SNX6: variants seen among roughly 807,000 people sequenced by gnomAD.
SNX6 encodes the protein sorting nexin-6.
SNX6 carries 34 observed loss-of-function variants against 63.0 expected under a neutral mutation model. The observed-to-expected ratio is 0.54, with a 90% CI of 0.41 to 0.72. SNX6 has a LOEUF of 0.72. SNX6 is among the 30% of genes least tolerant of loss of function. The pLI, the probability that SNX6 is intolerant of heterozygous loss-of-function variation, is 0.00. For synonymous variants in SNX6, 170 were observed against 164.2 expected, an observed-to-expected ratio of 1.04 and a Z score of -0.27; for missense variants, 398 against 471.4, an observed-to-expected ratio of 0.84 and a Z score of 1.44.
At chr14:34,614,767 T>G (rs565916477) in intron 2 of SNX6, among the ~76,000 whole-genome samples, 16 of 152,154 alleles carry the variant, frequency 1.1e-4, no homozygotes, top group Non-Finnish European at 1.9e-4. Flanking sequence ...ATAAAAAAAT[T>G]AGCTGGGCAT....
intron 5 of SNX6, chr14:34,604,007 C>A (rs1219831773): frequency 1.7e-6 from 1 of 599,820 alleles, no homozygotes; most frequent in Non-Finnish European, 2.2e-6. Flanking sequence ...TATTTTAATA[C>A]CAGCAGTGAA....
intron 13 of SNX6, among the ~76,000 whole-genome samples, chr14:34,566,632 A>G (rs749168964): frequency 6.6e-5 from 10 of 152,230 alleles, no homozygotes; most frequent in Non-Finnish European, 1.3e-4. Context: ...GACGTTATAG[A>G]TATTATTTTT....
At chr14:34,601,108 A>G (rs1366045002) in intron 6 of SNX6, among the ~76,000 whole-genome samples, 2 of 152,040 alleles carry the variant, frequency 1.3e-5, no homozygotes, top group Non-Finnish European at 2.9e-5. Context: ...TCAATAATTT[A>G]CCCGAATCTG....
chr14:34,581,012 G>A (rs1406492431), intron 10 of SNX6, among the ~76,000 whole-genome samples: 2 of 152,068 alleles, frequency 1.3e-5, no homozygotes, highest in Non-Finnish European at 2.9e-5. Context: ...GGAATTTCCT[G>A]AAAAACTCCC....
At chr14:34,570,164 G>A (rs1375499723) in intron 11 of SNX6, among the ~76,000 whole-genome samples, 1 of 151,744 alleles carries the variant, frequency 6.6e-6, no homozygotes, top group Non-Finnish European at 1.5e-5. Flanking sequence ...TGCCTCCTGG[G>A]TTCAAGCAAT....
chr14:34,567,215 G>A (rs910837024), intron 13 of SNX6, among the ~76,000 whole-genome samples: 5 of 151,816 alleles, frequency 3.3e-5, no homozygotes, highest in Non-Finnish European at 7.4e-5. Context: ...AGCCGGGTAC[G>A]GTGGCTCGTG....
chr14:34,590,171 G>A (rs1460832077), intron 8 of SNX6, among the ~76,000 whole-genome samples: 1 of 152,056 alleles, frequency 6.6e-6, no homozygotes, highest in Non-Finnish European at 1.5e-5. Flanking sequence ...GCTCATGCCT[G>A]TAATCCCAGC....
chr14:34,585,982 G>A (rs1274552482), intron 9 of SNX6, among the ~76,000 whole-genome samples: 1 of 151,994 alleles, frequency 6.6e-6, no homozygotes. Context: ...TCAGCTCACT[G>A]CAACCTCTGC....
At chr14:34,596,217 CA>C (rs1300623734) in intron 7 of SNX6, among the ~76,000 whole-genome samples, 506 of 126,942 alleles carry the variant, frequency 4.0e-3, no homozygotes, top group Middle Eastern at 9.2e-3. Context: ...ATTCTGTCTC[CA>C]AAAAAAAAAA....
chr14:34,590,159 T>C lies in SNX6; in HGVS notation c.718+2886A>G, dbSNP rs535321834. Among the ~76,000 whole-genome samples the C allele has an allele frequency of 9.9e-5, 15 of 151,974 alleles. No homozygotes were observed. The South Asian group carries it at 2.9e-3, about 29-fold the overall frequency. ...AGAATAAAGCTGGGGCCAGGAGCAG[T>C]GGCTCATGCCTGTAATCCCAGCACT... On this transcript the variant is annotated intron_variant, in intron 8 of 13. Transcript: ENST00000362031.
At chr14:34,592,944 T>C in intron 8 of SNX6, 101 bp downstream of exon 8, 1 of 826,528 alleles carries the variant, frequency 1.2e-6, no homozygotes, top group Non-Finnish European at 1.9e-6. Context: ...ACAGACCAGT[T>C]TGAGAACTAC....
chr14:34,623,794 G>A (rs1347501390), intron 2 of SNX6, among the ~76,000 whole-genome samples: 1 of 152,126 alleles, frequency 6.6e-6, no homozygotes, highest in Non-Finnish European at 1.5e-5. Flanking sequence ...GAGTACAGGA[G>A]AACAAGTAGT....
intron 2 of SNX6, among the ~76,000 whole-genome samples, chr14:34,621,549 A>G (rs1883620013): frequency 1.3e-5 from 2 of 152,196 alleles, no homozygotes; most frequent in African/African-American, 4.8e-5. Context: ...ACAGCAGTGA[A>G]GAGACACAAT....
chr14:34,603,723 C>T (rs1201019846), intron 5 of SNX6, among the ~76,000 whole-genome samples: 1 of 151,978 alleles, frequency 6.6e-6, no homozygotes, highest in Non-Finnish European at 1.5e-5. Flanking sequence ...ACAAATTTTT[C>T]TTACTTATGC....
At chr14:34,629,152 G>GT (rs1280857936) in intron 2 of SNX6, among the ~76,000 whole-genome samples, 13 of 151,866 alleles carry the variant, frequency 8.6e-5, no homozygotes, top group Admixed American at 7.2e-4. Flanking sequence ...AAAAAAAATG[G>GT]TAACTAGGTG....
At chr14:34,599,307 T>C (rs1882713637) in intron 6 of SNX6, among the ~76,000 whole-genome samples, 1 of 152,116 alleles carries the variant, frequency 6.6e-6, no homozygotes, top group South Asian at 2.1e-4. Context: ...ACAGTGCTCA[T>C]TATAATCTAA....
At chr14:34,614,444 A>G (rs529742492) in intron 2 of SNX6, among the ~76,000 whole-genome samples, 2 of 152,010 alleles carry the variant, frequency 1.3e-5, no homozygotes, top group East Asian at 3.9e-4. Flanking sequence ...CTCAAAAAAA[A>G]AAAACCAAAA....
intron 2 of SNX6, among the ~76,000 whole-genome samples, chr14:34,624,170 G>C (rs375349186): frequency 1.3e-5 from 2 of 151,776 alleles, no homozygotes; most frequent in Non-Finnish European, 2.9e-5. Flanking sequence ...GCACAGTCTC[G>C]GCTCACTGCA....
intron 11 of SNX6, among the ~76,000 whole-genome samples, chr14:34,574,512 T>C (rs946034277): frequency 2.1e-5 from 3 of 145,278 alleles, no homozygotes; most frequent in Non-Finnish European, 4.5e-5. Flanking sequence ...TAGCTGGGTG[T>C]GGTGGCACAA....
Sources: allele counts gnomAD v4.1 joint callset (sites outside exome capture counted in the v4.1 genomes callset), GRCh38; gene constraint gnomAD v4.1.1; transcripts MANE v1.5; gene names NCBI Gene and HGNC (gene_info 2026-07-23, HGNC 2026-07-21).